Variants in TAOK3 observed in about 807,000 individuals in gnomAD.
TAOK3 encodes serine/threonine-protein kinase TAO3.
TAOK3 carries 40 observed loss-of-function variants against 120.4 expected under a neutral mutation model. The ratio of observed to expected loss-of-function variants is 0.33; its 90% CI spans 0.26 to 0.43. TAOK3 has a LOEUF of 0.43. TAOK3 is among the 20% of genes least tolerant of loss of function. The pLI is 1.00. For missense variants in TAOK3, 821 were observed against 1,112.1 expected (o/e 0.74, Z 3.72); for synonymous variants, 355 against 387.5 (o/e 0.92, Z 0.99).
chr12:118,256,570 C>G (rs1364681111), intron 2 of TAOK3, among the ~76,000 whole-genome samples: 3 of 152,110 alleles, frequency 2.0e-5, no homozygotes, highest in Non-Finnish European at 4.4e-5. Flanking sequence ...GAATATTATT[C>G]AGCAGTAAAA....
intron 1 of TAOK3, among the ~76,000 whole-genome samples, chr12:118,316,058 T>C (rs557622915): frequency 6.6e-6 from 1 of 152,186 alleles, no homozygotes; most frequent in Non-Finnish European, 1.5e-5. Flanking sequence ...TAATGAGACA[T>C]CATGCACATG....
At chr12:118,361,904 C>T (rs964853273) in intron 1 of TAOK3, among the ~76,000 whole-genome samples, 7 of 141,604 alleles carry the variant, frequency 4.9e-5, no homozygotes, top group Non-Finnish European at 7.6e-5. Context: ...CATAGTCAAA[C>T]TATTAATAAA....
At chr12:118,345,763 A>G (rs1593636668) in intron 1 of TAOK3, among the ~76,000 whole-genome samples, 1 of 152,142 alleles carries the variant, frequency 6.6e-6, no homozygotes, top group Non-Finnish European at 1.5e-5. Context: ...ATCTCCTTAT[A>G]ACTGGAAAGA....
intron 9 of TAOK3, among the ~76,000 whole-genome samples, chr12:118,218,965 CTAAA>C (rs2039082932): frequency 6.6e-6 from 1 of 152,082 alleles, no homozygotes; most frequent in African/African-American, 2.4e-5. Context: ...AAATAAATAA[CTAAA>C]TAAATAAAAC....
chr12:118,354,256 G>A (rs1465207263), intron 1 of TAOK3, among the ~76,000 whole-genome samples: 2 of 152,126 alleles, frequency 1.3e-5, no homozygotes, highest in African/African-American at 2.4e-5. Context: ...CTTTGGGGAT[G>A]TTATTAAGTA....
intron 1 of TAOK3, among the ~76,000 whole-genome samples, chr12:118,338,056 C>T (rs1593602795): frequency 6.6e-6 from 1 of 152,168 alleles, no homozygotes; most frequent in East Asian, 1.9e-4. Context: ...TGTAAATCTA[C>T]AATTATTTCA....
chr12:118,253,363 G>A (rs2040837997), intron 3 of TAOK3, among the ~76,000 whole-genome samples: 1 of 152,236 alleles, frequency 6.6e-6, no homozygotes, highest in African/African-American at 2.4e-5. Flanking sequence ...CAAGTTTGGA[G>A]AAGTAGGTAA....
intron 1 of TAOK3, among the ~76,000 whole-genome samples, chr12:118,293,661 G>A (rs1446439731): frequency 1.2e-4 from 18 of 150,366 alleles, no homozygotes; most frequent in Non-Finnish European, 2.4e-4. Flanking sequence ...GTGATAGAGC[G>A]AGACTCTGTC....
chr12:118,353,674 T>C (rs1321961445), intron 1 of TAOK3, among the ~76,000 whole-genome samples: 1 of 152,060 alleles, frequency 6.6e-6, no homozygotes, highest in Non-Finnish European at 1.5e-5. Context: ...AGGGTCTGAA[T>C]GGGAAAGGTG....
rs2141344358 is a variant in TAOK3, at chr12:118,372,409, C to T, written c.-194+239G>A. On this transcript the variant is annotated intron_variant, in intron 1 of 20. Transcript: ENST00000392533. This position sits in a 1 kb window ranked among gnomAD's most constrained non-coding sequence, Gnocchi z 4.6. ...CCTCTCACGCGCACTGTCCCGGCCCCTCTTGGAGACCCCTCCCCTCAGACT... is the reference window on the plus strand; with the variant it reads ...CCTCTCACGCGCACTGTCCCGGCCCTTCTTGGAGACCCCTCCCCTCAGACT... 6.6e-6 allele frequency among the ~76,000 whole-genome samples: 1 copy of T among 151,688 alleles called. No individual in the cohort carries two copies. The highest frequency in any genetic ancestry group is 2.4e-5 in the African/African-American group (1 of 41,368).
chr12:118,214,230 A>G, intron 9 of TAOK3, 120 bp from the exon 10 acceptor site: 1 of 705,158 alleles, frequency 1.4e-6, no homozygotes, highest in Non-Finnish European at 2.3e-6. Context: ...TCATCATGCC[A>G]CATAATCCAC....
intron 14 of TAOK3, among the ~76,000 whole-genome samples, chr12:118,186,068 A>G (rs1044398305): frequency 6.6e-6 from 1 of 152,212 alleles, no homozygotes; most frequent in Non-Finnish European, 1.5e-5. Flanking sequence ...CAATTTCACA[A>G]TTAGCTGAAT....
rs58684359 is a variant in TAOK3 at position 118,283,593 on chromosome 12, G to A, written c.-193-16834C>T. ...AAAAATACAAAAATTAGCTGGGCAT[G>A]GTGGCACGCACCTGTAGTCCCAGCT... On this transcript the variant is annotated intron_variant, in intron 1 of 20. Coordinates refer to ENST00000392533, the MANE Select transcript of TAOK3 (RefSeq NM_016281.4). 0.016 allele frequency: 2,469 copies of A among 153,706 alleles called. 90 individuals are homozygous for A. In the East Asian group the frequency reaches 0.17, roughly 11 times the overall value. 9.5% of individuals were successfully genotyped at this position (153,706 alleles called of 1,614,324 possible).
At chr12:118,250,239 G>A (rs1237877042) in intron 3 of TAOK3, among the ~76,000 whole-genome samples, 1 of 152,066 alleles carries the variant, frequency 6.6e-6, no homozygotes, top group East Asian at 1.9e-4. Context: ...GGGATTACAT[G>A]TGTGAGCCAC....
At chr12:118,329,633 T>G (rs543517974) in intron 1 of TAOK3, among the ~76,000 whole-genome samples, 1 of 151,886 alleles carries the variant, frequency 6.6e-6, no homozygotes, top group Non-Finnish European at 1.5e-5. Flanking sequence ...GCTTGTTATA[T>G]TCTATGACTT....
chr12:118,283,416 T>C (rs1023779424), intron 1 of TAOK3, among the ~76,000 whole-genome samples: 6 of 152,132 alleles, frequency 3.9e-5, no homozygotes, highest in African/African-American at 1.4e-4. Flanking sequence ...GAAGAGACAG[T>C]ATTTTGATTG....
At chr12:118,316,477 T>G (rs1377959972) in intron 1 of TAOK3, among the ~76,000 whole-genome samples, 1 of 152,122 alleles carries the variant, frequency 6.6e-6, no homozygotes, top group East Asian at 1.9e-4. Flanking sequence ...CAGGCTGGAG[T>G]GCAGTTGTGC....
In TAOK3 at chr12:118,161,902, G is replaced by T. The variant is rs749771157; in HGVS notation, c.2025C>A (p.Ile675=). 2.5e-6 allele frequency: 4 copies of T among 1,613,908 alleles called. No homozygotes were observed. In the African/African-American group the frequency reaches 4.0e-5, roughly 16 times the overall value. Residue 675 remains isoleucine, a synonymous_variant, in exon 18 of 21, where the codon ATC becomes ATA. Transcript: ENST00000392533. The surrounding 1 kb of genome is among the most constrained non-coding windows in gnomAD (Gnocchi z 4.5). ...CCAGTTCCGTCTGGTGCTGTAAACG[G>T]ATCAGATCCATGCGTAGCTTCTGTA... ...HTLQKLRMDL[I]RLQHQTELEN...
chr12:118,223,729 T>C (rs1429154305), intron 9 of TAOK3, among the ~76,000 whole-genome samples: 1 of 151,256 alleles, frequency 6.6e-6, no homozygotes, highest in South Asian at 2.1e-4. Context: ...CTGCAACCTC[T>C]GCCTCCTGGG....
Sources: gnomAD v4.1 joint callset for allele counts (sites outside exome capture counted in the v4.1 genomes callset) on GRCh38, gnomAD v4.1.1 for gene constraint, Gnocchi (gnomAD v3.1) non-coding constraint, MANE v1.5 for transcripts, NCBI Gene and HGNC (gene_info 2026-07-23, HGNC 2026-07-21) for gene names.